The following CLSTN2 variants were observed in gnomAD, a reference collection of about 807,000 sequenced individuals.
The protein encoded by CLSTN2 is calsyntenin 2, also known as calsyntenin-2.
Under a neutral mutation model 101.2 loss-of-function variants are expected in CLSTN2, and 48 were observed. The observed-to-expected ratio is 0.47, with a 90% CI of 0.38 to 0.60. The LOEUF is 0.60. Ranked by LOEUF, CLSTN2 falls within the 20% of genes least tolerant of loss-of-function variation. The pLI is 0.00. For missense variants in CLSTN2, 1,160 were observed against 1,238.2 expected (o/e 0.94, Z 0.95); for synonymous variants, 481 against 463.6 (o/e 1.04, Z -0.48).
At chr3:140,194,073 T>C (rs986209185) in intron 2 of CLSTN2, among the ~76,000 whole-genome samples, 1 of 152,250 alleles carries the variant, frequency 6.6e-6, no homozygotes, top group African/African-American at 2.4e-5. Flanking sequence ...TGACCATACA[T>C]GTGTTTTTAT....
chr3:140,475,018 T>G (rs184518073), intron 8 of CLSTN2, among the ~76,000 whole-genome samples: 1 of 129,352 alleles, frequency 7.7e-6, no homozygotes, highest in East Asian at 2.5e-4. Context: ...CTTCCTTAAC[T>G]CATTCTCCTC....
intron 2 of CLSTN2, among the ~76,000 whole-genome samples, chr3:140,220,640 T>C (rs2107852508): frequency 6.6e-6 from 1 of 152,354 alleles, no homozygotes; most frequent in South Asian, 2.1e-4. Context: ...AGTAGAAATA[T>C]CTTCAAATTC....
intron 8 of CLSTN2, among the ~76,000 whole-genome samples, chr3:140,472,710 T>TC (rs149061224): frequency 0.08 from 12,214 of 152,202 alleles, 644 homozygotes; most frequent in East Asian, 0.12. Context: ...GTCTTTTTTT[T>TC]CTCTCTCTCT....
intron 8 of CLSTN2, among the ~76,000 whole-genome samples, chr3:140,480,228 GA>G (rs759997730): frequency 9.2e-5 from 14 of 152,180 alleles, no homozygotes; most frequent in Middle Eastern, 3.4e-3. Flanking sequence ...AGTTTGCTGA[GA>G]ATGATGATTT....
intron 1 of CLSTN2, among the ~76,000 whole-genome samples, chr3:140,111,715 A>G (rs1360553438): frequency 6.6e-6 from 1 of 152,154 alleles, no homozygotes. Flanking sequence ...CCGTCTCTTC[A>G]AGCAGTCAAG....
chr3:140,002,278 C>G (rs923325437), intron 1 of CLSTN2, among the ~76,000 whole-genome samples: 1 of 152,170 alleles, frequency 6.6e-6, no homozygotes, highest in African/African-American at 2.4e-5. Context: ...GAGATGATAT[C>G]TCATAGTTTT....
At chr3:140,120,902 C>T (rs144585756) in intron 1 of CLSTN2, among the ~76,000 whole-genome samples, 1 of 152,304 alleles carries the variant, frequency 6.6e-6, no homozygotes, top group Non-Finnish European at 1.5e-5. Context: ...GGCCACAAAA[C>T]ACCCTGGCGG....
rs537265183 is a variant in CLSTN2 at position 140,028,896 on chromosome 3, A to G, written c.109+93413A>G. On this transcript the variant is annotated intron_variant, in intron 1 of 16. Transcript: ENST00000458420. ...CTGAAAATGGACCCTCTGGTCCCAC[A>G]CCTCCACTGCTGGTGCCCTAGTGTC... 5.3e-5 allele frequency among the ~76,000 whole-genome samples: 8 copies of G among 152,210 alleles called. No homozygotes were observed. In the East Asian group the frequency reaches 1.5e-3, roughly 29 times the overall value.
Position 140,029,959 on chromosome 3 carries a change from A to G in CLSTN2, c.109+94476A>G, listed in dbSNP as rs548812976. Among the ~76,000 whole-genome samples, 27 of 152,284 alleles carry G rather than the reference A, an allele frequency of 1.8e-4. No individual in the cohort carries two copies. In the South Asian group the frequency reaches 5.0e-3, roughly 28 times the overall value. ...TAGAGGCCCCAGAGTTTTACTTCAGAGAAGGTAAAGCTATTTTCAAGAGGT... is the reference window on the plus strand; with the variant it reads ...TAGAGGCCCCAGAGTTTTACTTCAGGGAAGGTAAAGCTATTTTCAAGAGGT... On this transcript the variant is annotated intron_variant, in intron 1 of 16. Coordinates refer to ENST00000458420, the MANE Select transcript of CLSTN2 (RefSeq NM_022131.3).
At chr3:140,241,787 C>T (rs1041911375) in intron 2 of CLSTN2, among the ~76,000 whole-genome samples, 5 of 26,864 alleles carry the variant, frequency 1.9e-4, no homozygotes, top group Admixed American at 6.1e-4. Flanking sequence ...AGGTCATATG[C>T]GAGATATATA....
At chr3:140,147,412 TC>T (rs2107812153) in intron 1 of CLSTN2, among the ~76,000 whole-genome samples, 1 of 152,338 alleles carries the variant, frequency 6.6e-6, no homozygotes, top group South Asian at 2.1e-4. Flanking sequence ...TACACAGTTT[TC>T]CATAGTGCCA....
intron 1 of CLSTN2, among the ~76,000 whole-genome samples, chr3:140,015,176 A>G (rs750911928): frequency 3.3e-5 from 5 of 152,220 alleles, no homozygotes; most frequent in Non-Finnish European, 7.3e-5. Flanking sequence ...ACAAGGGACT[A>G]CTAGCAAATC....
chr3:140,297,331 G>C (rs1048585457), intron 2 of CLSTN2, among the ~76,000 whole-genome samples: 17 of 152,076 alleles, frequency 1.1e-4, no homozygotes. Context: ...AGGGGCAAAG[G>C]ATTTTGGGAA....
chr3:140,063,618 A>G (rs759781569), intron 1 of CLSTN2, among the ~76,000 whole-genome samples: 25 of 152,086 alleles, frequency 1.6e-4, no homozygotes, highest in Non-Finnish European at 2.6e-4. Context: ...TAAATATGTA[A>G]ATGATAATTT....
intron 4 of CLSTN2, among the ~76,000 whole-genome samples, chr3:140,406,235 A>G (rs1205370091): frequency 1.3e-5 from 2 of 152,218 alleles, no homozygotes; most frequent in South Asian, 2.1e-4. Context: ...ACTCTATGGC[A>G]TTGTCTTCTG....
intron 1 of CLSTN2, among the ~76,000 whole-genome samples, chr3:140,128,710 T>A (rs1376441864): frequency 6.6e-6 from 1 of 152,126 alleles, no homozygotes; most frequent in Admixed American, 6.5e-5. Context: ...AATTCCTCTC[T>A]CCTCTTCCTT....
At chr3:140,149,812 T>C (rs1168474782) in intron 1 of CLSTN2, among the ~76,000 whole-genome samples, 1 of 152,248 alleles carries the variant, frequency 6.6e-6, no homozygotes, top group Non-Finnish European at 1.5e-5. Context: ...AACATACTTA[T>C]GCTAAAAATA....
At chr3:140,385,088 A>G (rs187662701) in intron 2 of CLSTN2, among the ~76,000 whole-genome samples, 10 of 152,220 alleles carry the variant, frequency 6.6e-5, no homozygotes, top group African/African-American at 2.4e-4. Context: ...ATTGTTTGAA[A>G]ACCCTGAGCA....
At chr3:140,543,050 C>G (rs1398206059) in intron 9 of CLSTN2, among the ~76,000 whole-genome samples, 1 of 152,218 alleles carries the variant, frequency 6.6e-6, no homozygotes, top group African/African-American at 2.4e-5. Context: ...GAATGAGTAT[C>G]TACCTCACAA....
Sources: allele counts gnomAD v4.1 joint callset (sites outside exome capture counted in the v4.1 genomes callset), GRCh38; gene constraint gnomAD v4.1.1; transcripts MANE v1.5; gene names NCBI Gene and HGNC (gene_info 2026-07-23, HGNC 2026-07-21).